LDAH: variants seen among roughly 807,000 people sequenced by gnomAD.
LDAH encodes the protein lipid droplet associated hydrolase, also known as lipid droplet-associated hydrolase.
LDAH carries 26 observed loss-of-function variants against 29.6 expected under a neutral mutation model. The ratio of observed to expected loss-of-function variants is 0.88; its 90% CI spans 0.64 to 1.22. The LOEUF is 1.22. Ranked by LOEUF, LDAH falls within the 50% of genes most tolerant of loss-of-function variation. LDAH has a pLI of 0.00. For synonymous variants in LDAH, 117 were observed against 133.0 expected (o/e 0.88, Z 0.83); for missense variants, 344 against 387.3 (o/e 0.89, Z 0.94).
At chr2:20,772,237 T>A (rs757971223) in intron 4 of LDAH, among the ~76,000 whole-genome samples, 21 of 152,196 alleles carry the variant, frequency 1.4e-4, no homozygotes, top group African/African-American at 4.6e-4. Flanking sequence ...AAGTTAATAA[T>A]AGTCTGTGAT....
At chr2:20,762,917 T>C (rs1668787273) in intron 4 of LDAH, among the ~76,000 whole-genome samples, 1 of 152,178 alleles carries the variant, frequency 6.6e-6, no homozygotes, top group Admixed American at 6.5e-5. Context: ...ATACAGACCA[T>C]GGAGTTTGCT....
At chr2:20,746,421 G>A (rs532868986) in intron 4 of LDAH, among the ~76,000 whole-genome samples, 2 of 152,278 alleles carry the variant, frequency 1.3e-5, no homozygotes, top group Admixed American at 1.3e-4. Flanking sequence ...GAAATAATGG[G>A]AATGGACCAA....
chr2:20,756,180 G>C (rs761193211), intron 4 of LDAH, among the ~76,000 whole-genome samples: 3 of 152,068 alleles, frequency 2.0e-5, no homozygotes, highest in Non-Finnish European at 4.4e-5. Flanking sequence ...GATTACAAGT[G>C]TGCGCCACCA....
chr2:20,764,962 T>C (rs2124974244), intron 4 of LDAH, among the ~76,000 whole-genome samples: 1 of 152,334 alleles, frequency 6.6e-6, no homozygotes, highest in East Asian at 1.9e-4. Context: ...ATGTTAGGTA[T>C]AATCACTGTT....
At position 20,712,046 on chromosome 2, in the gene LDAH, A is replaced by G. The variant is rs558247898; in HGVS notation, c.704-10394T>C. 1.5e-3 allele frequency among the ~76,000 whole-genome samples: 227 copies of G among 152,330 alleles called. 4 individuals carry two copies. In the South Asian group the frequency reaches 0.043, roughly 29 times the overall value. On this transcript the variant is annotated intron_variant, in intron 5 of 6. Transcript: ENST00000237822. ...AAGACAGCAGTGGTTCTCCCAGCAC[A>G]GCATTTGAGCTCTGAGAACGGACAG...
intron 4 of LDAH, among the ~76,000 whole-genome samples, chr2:20,770,673 G>T (rs575052187): frequency 1.3e-5 from 2 of 151,652 alleles, no homozygotes; most frequent in East Asian, 3.9e-4. Flanking sequence ...TCCTACTCTT[G>T]GAGCACCAAC....
At chr2:20,712,440 CAGA>C (rs942010452) in intron 5 of LDAH, among the ~76,000 whole-genome samples, 3 of 152,202 alleles carry the variant, frequency 2.0e-5, no homozygotes, top group African/African-American at 4.8e-5. Context: ...GAAACCAGAG[CAGA>C]AAAGCTGAAA....
chr2:20,804,943 A>G (rs1379237089), intron 1 of LDAH, among the ~76,000 whole-genome samples: 1 of 152,172 alleles, frequency 6.6e-6, no homozygotes, highest in East Asian at 1.9e-4. Context: ...AAACTATCAC[A>G]AACTACAGTA....
intron 4 of LDAH, among the ~76,000 whole-genome samples, chr2:20,769,221 A>G (rs1669249401): frequency 1.3e-5 from 2 of 152,152 alleles, no homozygotes; most frequent in African/African-American, 2.4e-5. Context: ...CTCATCCTTC[A>G]GTGGCCCTGA....
chr2:20,784,582 T>G (rs1371987122), intron 3 of LDAH, among the ~76,000 whole-genome samples: 1 of 151,638 alleles, frequency 6.6e-6, no homozygotes, highest in South Asian at 2.1e-4. Context: ...ATAATTATAC[T>G]TATTAAAAAA....
chr2:20,684,783 C>T lies in LDAH; in HGVS notation c.*2120G>A. On this transcript the variant is annotated 3_prime_UTR_variant, in exon 7 of 7. Coordinates refer to ENST00000237822, the MANE Select transcript of LDAH (RefSeq NM_021925.4). ...ACTCTGCAGGAAGTTAAAACTTTCACAAAGACCATCCATGTGGTTGACTGG... is the reference window on the plus strand; with the variant it reads ...ACTCTGCAGGAAGTTAAAACTTTCATAAAGACCATCCATGTGGTTGACTGG... 1 of 1,367,712 alleles carries T rather than the reference C, an allele frequency of 7.3e-7. No individual in the cohort carries two copies. Among genetic ancestry groups the T allele is most frequent in the Non-Finnish European group, 9.9e-7 (1 of 1,011,838 alleles). 84.7% of individuals were successfully genotyped at this position (1,367,712 alleles called of 1,614,324 possible).
At chr2:20,758,654 G>C (rs532084565) in intron 4 of LDAH, among the ~76,000 whole-genome samples, 1 of 152,226 alleles carries the variant, frequency 6.6e-6, no homozygotes, top group Non-Finnish European at 1.5e-5. Flanking sequence ...AGGAAGGACA[G>C]AGTAAAAATG....
intron 4 of LDAH, among the ~76,000 whole-genome samples, chr2:20,756,283 C>A (rs1039500715): frequency 5.9e-5 from 9 of 152,096 alleles, no homozygotes; most frequent in African/African-American, 1.7e-4. Flanking sequence ...GATCCACCCA[C>A]CTCGGCCTTC....
intron 4 of LDAH, among the ~76,000 whole-genome samples, chr2:20,756,388 G>C (rs1387266437): frequency 6.6e-6 from 1 of 152,026 alleles, no homozygotes; most frequent in Admixed American, 6.6e-5. Context: ...AGACATTTGA[G>C]GAAAGCTTCA....
At chr2:20,722,016 G>T (rs967597766) in intron 5 of LDAH, among the ~76,000 whole-genome samples, 5 of 152,180 alleles carry the variant, frequency 3.3e-5, no homozygotes, top group African/African-American at 1.2e-4. Flanking sequence ...AGGTTATTAT[G>T]TTAAGTGAAA....
Position 20,740,051 on chromosome 2 carries a change from A to G in LDAH, c.623T>C (p.Leu208Ser), listed in dbSNP as rs1187521588. ...LKPCPETIKSLLIRRGLQVMN... is the reference protein window; with the variant it reads ...LKPCPETIKSSLIRRGLQVMN... ...TACTTGAAGGCCCCTTCTGATTAGCAAGGACTTGATTGTCTCAGGACACGG... is the reference window on the plus strand; with the variant it reads ...TACTTGAAGGCCCCTTCTGATTAGCGAGGACTTGATTGTCTCAGGACACGG... The change falls in exon 5 of 7, where the codon TTG (leucine) becomes TCG (serine). Residue 208 changes from leucine (L) to serine (S), a missense_variant. Leu to Ser is a moderately radical substitution (Grantham distance 145). Transcript: ENST00000237822. The G allele has an allele frequency of 1.2e-6, 2 of 1,614,156 alleles. No homozygotes were observed. The highest frequency in any genetic ancestry group is 1.7e-6 in the Non-Finnish European group (2 of 1,180,004).
At chr2:20,700,063 T>C (rs1040956437) in intron 6 of LDAH, among the ~76,000 whole-genome samples, 1 of 152,204 alleles carries the variant, frequency 6.6e-6, no homozygotes, top group Non-Finnish European at 1.5e-5. Context: ...TAACTGAGAG[T>C]TGAGCTGTTT....
chr2:20,725,992 G>C (rs1665987850), intron 5 of LDAH, among the ~76,000 whole-genome samples: 1 of 152,184 alleles, frequency 6.6e-6, no homozygotes, highest in South Asian at 2.1e-4. Context: ...CCTATGCCTG[G>C]ATTTCTTGGC....
chr2:20,707,426 T>G (rs1187306440), intron 5 of LDAH, among the ~76,000 whole-genome samples: 1 of 152,176 alleles, frequency 6.6e-6, no homozygotes, highest in Non-Finnish European at 1.5e-5. Context: ...TAGCTCTTCT[T>G]TCAAAGGCAG....
Sources: allele counts gnomAD v4.1 joint callset (sites outside exome capture counted in the v4.1 genomes callset), GRCh38; gene constraint gnomAD v4.1.1; transcripts MANE v1.5; gene names NCBI Gene and HGNC (gene_info 2026-07-23, HGNC 2026-07-21).